The following NIBAN1 variants were observed in gnomAD, a reference collection of about 807,000 sequenced individuals.
NIBAN1 encodes niban apoptosis regulator 1, also known as protein Niban 1.
Under a neutral mutation model 75.1 loss-of-function variants are expected in NIBAN1, and 81 were observed. The observed-to-expected ratio is 1.08, with a 90% CI of 0.90 to 1.30. NIBAN1 has a LOEUF of 1.30. Ranked by LOEUF, NIBAN1 falls within the 50% of genes most tolerant of loss-of-function variation. The pLI, the probability that NIBAN1 is intolerant of heterozygous loss-of-function variation, is 0.00. For synonymous variants in NIBAN1, 436 were observed against 424.8 expected (o/e 1.03, Z -0.32); for missense variants, 1,133 against 1,128.1 (o/e 1.00, Z -0.06).
At chr1:184,865,212 T>C (rs1009743785) in intron 5 of NIBAN1, among the ~76,000 whole-genome samples, 36 of 152,126 alleles carry the variant, frequency 2.4e-4, no homozygotes, top group African/African-American at 7.5e-4. Context: ...TCAGCCTTGG[T>C]GCCCATCAAC....
At chr1:184,891,252 A>G (rs1571551341) in intron 3 of NIBAN1, among the ~76,000 whole-genome samples, 1 of 152,306 alleles carries the variant, frequency 6.6e-6, no homozygotes, top group East Asian at 1.9e-4. Flanking sequence ...TGACCTATTC[A>G]TCCTAAGAAA....
intron 5 of NIBAN1, among the ~76,000 whole-genome samples, chr1:184,870,502 G>T (rs754375506): frequency 3.0e-4 from 46 of 152,222 alleles, no homozygotes; most frequent in Admixed American, 5.2e-4. Flanking sequence ...TGAACGTCAG[G>T]TTTAGCTTTT....
chr1:184,842,152 T>C (rs1655304048), intron 5 of NIBAN1, among the ~76,000 whole-genome samples: 1 of 152,174 alleles, frequency 6.6e-6, no homozygotes, highest in Non-Finnish European at 1.5e-5. Context: ...CAAACCCAGG[T>C]TGCAAATGAT....
intron 5 of NIBAN1, among the ~76,000 whole-genome samples, chr1:184,835,721 T>C (rs1655121159): frequency 6.6e-6 from 1 of 152,250 alleles, no homozygotes; most frequent in Non-Finnish European, 1.5e-5. Flanking sequence ...TGAAGTTGCT[T>C]ATCAGCTTAA....
rs143767266 is a variant in NIBAN1, at chr1:184,909,442, G to C, written c.56-10133C>G. Among the ~76,000 whole-genome samples the C allele has an allele frequency of 1.8e-3, 278 of 152,162 alleles. 1 individual carries two copies. The highest frequency in any genetic ancestry group is 6.5e-3 in the African/African-American group (271 of 41,508). On this transcript the variant is annotated intron_variant, in intron 1 of 13. Coordinates refer to ENST00000367511, the MANE Select transcript of NIBAN1 (RefSeq NM_052966.4). ...TAAAAAAACGCATTTCTAGATAACT[G>C]TGTTTGGGGCCCAGATATGCTTGCA...
intron 11 of NIBAN1, among the ~76,000 whole-genome samples, chr1:184,804,184 T>A (rs1654125208): frequency 6.6e-6 from 1 of 152,184 alleles, no homozygotes; most frequent in South Asian, 2.1e-4. Flanking sequence ...GACGATTCTG[T>A]CTGTTCTGCA....
At chr1:184,820,404 C>G (rs1332656094) in intron 8 of NIBAN1, among the ~76,000 whole-genome samples, 3 of 152,204 alleles carry the variant, frequency 2.0e-5, no homozygotes, top group Non-Finnish European at 4.4e-5. Flanking sequence ...CCCCTCTCTG[C>G]ACCTTTATTC....
chr1:184,914,721 CTTTT>C (rs35169090), intron 1 of NIBAN1, among the ~76,000 whole-genome samples: 6 of 126,364 alleles, frequency 4.7e-5, no homozygotes, highest in Admixed American at 7.7e-5. Flanking sequence ...AGTTAACTTT[CTTTT>C]TTTTTTTTTT....
At chr1:184,903,815 C>A (rs1225330362) in intron 1 of NIBAN1, among the ~76,000 whole-genome samples, 1 of 144,842 alleles carries the variant, frequency 6.9e-6, no homozygotes, top group African/African-American at 2.6e-5. Flanking sequence ...CAGCTCACTG[C>A]AGCCTTGACC....
At chr1:184,871,347 C>CA (rs10658216) in intron 5 of NIBAN1, among the ~76,000 whole-genome samples, 5,294 of 34,352 alleles carry the variant, frequency 0.15, 480 homozygotes, top group Non-Finnish European at 0.34. Flanking sequence ...AACTCTATCT[C>CA]AAAAAAAAAA....
intron 8 of NIBAN1, among the ~76,000 whole-genome samples, chr1:184,820,329 G>A (rs115117223): frequency 9.0e-4 from 137 of 152,318 alleles, no homozygotes; most frequent in Non-Finnish European, 1.9e-3. Context: ...CAGGAGGGCC[G>A]TGGGAGGGTA....
chr1:184,930,419 G>C (rs2102031128), intron 1 of NIBAN1, among the ~76,000 whole-genome samples: 1 of 152,284 alleles, frequency 6.6e-6, no homozygotes, highest in Non-Finnish European at 1.5e-5. Context: ...TCTCCTGGCA[G>C]GTTTCCCACA....
At chr1:184,971,007 C>T (rs234104) in intron 1 of NIBAN1, among the ~76,000 whole-genome samples, 68,422 of 151,870 alleles carry the variant, frequency 0.45, 16,038 homozygotes, top group Middle Eastern at 0.53. Flanking sequence ...AAAAAGAGGC[C>T]GGGCATGGTG....
At chr1:184,811,818 G>T (rs1557873352) in intron 9 of NIBAN1, among the ~76,000 whole-genome samples, 1 of 152,116 alleles carries the variant, frequency 6.6e-6, no homozygotes, top group Non-Finnish European at 1.5e-5. Context: ...TTAAAATGAG[G>T]GCTCTCAGTA....
chr1:184,942,163 C>A (rs1415403429), intron 1 of NIBAN1, among the ~76,000 whole-genome samples: 1 of 152,198 alleles, frequency 6.6e-6, no homozygotes, highest in Non-Finnish European at 1.5e-5. Flanking sequence ...AGAATAATTT[C>A]TCAGGGAGCT....
intron 2 of NIBAN1, 42 bp downstream of exon 2, chr1:184,899,137 C>A: frequency 4.3e-6 from 7 of 1,610,032 alleles, no homozygotes; most frequent in Non-Finnish European, 5.9e-6. Context: ...ATATAGCCTT[C>A]TTCAAGGGGA....
chr1:184,955,384 T>G (rs998886299), intron 1 of NIBAN1, among the ~76,000 whole-genome samples: 5 of 145,834 alleles, frequency 3.4e-5, no homozygotes, highest in African/African-American at 1.3e-4. Context: ...GTTTTTGAGA[T>G]GGAGACTTGC....
At chr1:184,940,005 T>C (rs1658049562) in intron 1 of NIBAN1, among the ~76,000 whole-genome samples, 1 of 152,154 alleles carries the variant, frequency 6.6e-6, no homozygotes, top group Non-Finnish European at 1.5e-5. Flanking sequence ...GGAGAAAATA[T>C]CCAATAAGCA....
intron 1 of NIBAN1, among the ~76,000 whole-genome samples, chr1:184,964,615 C>T (rs1658731870): frequency 6.6e-6 from 1 of 152,276 alleles, no homozygotes; most frequent in Middle Eastern, 3.4e-3. Context: ...TGAGCTCATG[C>T]ATGCAATGCT....
Sources: gnomAD v4.1 joint callset for allele counts (sites outside exome capture counted in the v4.1 genomes callset) on GRCh38, gnomAD v4.1.1 for gene constraint, MANE v1.5 for transcripts, NCBI Gene and HGNC (gene_info 2026-07-23, HGNC 2026-07-21) for gene names.